DNAH17: variants seen among roughly 807,000 people sequenced by gnomAD.
DNAH17 encodes dynein axonemal heavy chain 17, also known as axonemal beta dynein heavy chain 17.
Under a neutral mutation model 485.6 loss-of-function variants are expected in DNAH17, and 376 were observed. The ratio of observed to expected loss-of-function variants is 0.77; its 90% CI spans 0.71 to 0.84. DNAH17 has a LOEUF of 0.84. Ranked by LOEUF, DNAH17 falls within the 40% of genes least tolerant of loss-of-function variation. The probability of loss-of-function intolerance (pLI) is 0.00; values close to 1 mark genes in which losing one functional copy is unlikely to be tolerated. For synonymous variants in DNAH17, 3,031 were observed against 2,405.9 expected (o/e 1.26, Z -7.60); for missense variants, 6,370 against 5,839.3 (o/e 1.09, Z -2.96).
chr17:78,425,828 C>T (rs1365343597), intron 79 of DNAH17, among the ~76,000 whole-genome samples: 2 of 143,470 alleles, frequency 1.4e-5, no homozygotes, highest in Non-Finnish European at 3.0e-5. Context: ...TGCAGTGGTG[C>T]AATCTTGGCT....
chr17:78,561,753 T>C lies in DNAH17; in HGVS notation c.1797A>G (p.Leu599=), dbSNP rs2143654971. ...LKWSLELQER[L]EVSMKHLKHV... is the part of the protein sequence containing the mutation. ...GCTTCAGGTGTTTCATGGACACCTC[T>C]AGCCTCTCCTGCAGCTCCAGGCTCC... The change falls in exon 12 of 81, where the codon CTA becomes CTG. Residue 599 remains leucine, a synonymous_variant. Coordinates refer to ENST00000389840, the MANE Select transcript of DNAH17 (RefSeq NM_173628.4). 2 of 1,612,672 alleles carry C rather than the reference T, an allele frequency of 1.2e-6. No homozygotes were observed. Among genetic ancestry groups the C allele is most frequent in the African/African-American group, 1.3e-5 (1 of 75,044 alleles).
intron 79 of DNAH17, 163 bp from the exon 80 acceptor site, chr17:78,425,734 C>A (rs183572720): frequency 3.9e-6 from 2 of 511,246 alleles, no homozygotes; most frequent in African/African-American, 2.1e-5. Context: ...AGCCACCTAC[C>A]ATGACGCAAC....
rs757406187 is a variant in DNAH17 at position 78,423,969 on chromosome 17, C to T, written c.13326G>A (p.Leu4442=). 6.2e-7 allele frequency: 1 copy of T among 1,614,008 alleles called. No individual in the cohort carries two copies. Among genetic ancestry groups the T allele is most frequent in the Admixed American group, 1.7e-5 (1 of 60,026 alleles). The change falls in exon 81 of 81, where the codon TTG becomes TTA. Residue 4442 remains leucine, a synonymous_variant. Transcript: ENST00000389840. ...RGPTYVWTFN[L]KTKEKAAKWI... ...ACTTCGCTGCCTTCTCTTTGGTCTT[C>T]AAGTTAAAGGTCCAGACATAGGTGG...
At chr17:78,427,316 G>T (rs1206874899) in intron 77 of DNAH17, among the ~76,000 whole-genome samples, 1 of 152,230 alleles carries the variant, frequency 6.6e-6, no homozygotes, top group Non-Finnish European at 1.5e-5. Flanking sequence ...CGAGCATTCT[G>T]ATCTCACTAC....
At chr17:78,505,978 C>T (rs2090472290) in intron 30 of DNAH17, among the ~76,000 whole-genome samples, 1 of 151,836 alleles carries the variant, frequency 6.6e-6, no homozygotes, top group African/African-American at 2.4e-5. Context: ...AACTCCATCT[C>T]AAAATAAAAA....
At chr17:78,505,172 G>C (rs1598606860) in intron 31 of DNAH17, 121 bp downstream of exon 31, 1 of 1,307,258 alleles carries the variant, frequency 7.6e-7, no homozygotes. Context: ...AGAGGAGCAG[G>C]GGCGGGCTGG....
chr17:78,573,598 A>AAG, intron 2 of DNAH17, among the ~76,000 whole-genome samples: 1 of 59,598 alleles, frequency 1.7e-5, no homozygotes, highest in South Asian at 6.4e-4. Context: ...AAATACTGTC[A>AAG]AAAAAAAAAA....
In DNAH17 at chr17:78,459,140, A is replaced by AG; in HGVS notation, c.9721dup (p.Leu3241ProfsTer29). 6.2e-7 allele frequency: 1 copy of AG among 1,613,980 alleles called. No homozygotes were observed. Among genetic ancestry groups the AG allele is most frequent in the Non-Finnish European group, 8.5e-7 (1 of 1,179,892 alleles). ...GACGATGTTGATGCACCAGGAGCAC[A>AG]GGCCGGCGGCGGCCGTGGACTTGGA... On this transcript the variant is annotated frameshift_variant, in exon 61 of 81. Transcript: ENST00000389840. LOFTEE classifies it high-confidence loss of function.
chr17:78,555,457 C>T (rs1233364644), intron 14 of DNAH17, among the ~76,000 whole-genome samples: 1 of 142,186 alleles, frequency 7.0e-6, no homozygotes, highest in African/African-American at 2.6e-5. Flanking sequence ...AATGAATGGA[C>T]CATGGACAAA....
intron 37 of DNAH17, 46 bp downstream of exon 37, chr17:78,498,962 G>A (rs142727088): frequency 2.3e-5 from 33 of 1,458,084 alleles, no homozygotes; most frequent in Middle Eastern, 1.8e-4. Context: ...AAGCTGACGA[G>A]CCAGTCACCC....
intron 20 of DNAH17, among the ~76,000 whole-genome samples, chr17:78,530,952 T>C (rs1463827013): frequency 6.6e-6 from 1 of 152,188 alleles, no homozygotes; most frequent in Non-Finnish European, 1.5e-5. Flanking sequence ...TCTTTCTCAC[T>C]GTGCATTGGG....
chr17:78,564,311 G>C (rs9915007), intron 11 of DNAH17, among the ~76,000 whole-genome samples: 7,498 of 152,162 alleles, frequency 0.049, 417 homozygotes, highest in African/African-American at 0.14. Context: ...TCCATGTTGG[G>C]GACAGCAAGA....
rs776935437 is a variant in DNAH17 at position 78,501,252 on chromosome 17, G to A, written c.5415C>T (p.Ala1805=). The A allele has an allele frequency of 6.2e-7, 1 of 1,608,900 alleles. No individual in the cohort carries two copies. Among genetic ancestry groups the A allele is most frequent in the South Asian group, 1.1e-5 (1 of 90,774 alleles). The change falls in exon 35 of 81, where the codon GCC becomes GCT. Residue 1805 remains alanine (A), a synonymous_variant. Coordinates refer to ENST00000389840, the MANE Select transcript of DNAH17 (RefSeq NM_173628.4). ...KRHCFANICD[A]QIQYSYEYLG... Reference sequence around the variant, plus strand: ...GATACTCATAGGAATACTGGATTTGGGCATCGCAGATGTTGGCAAAGCAGT... The same window carrying A: ...GATACTCATAGGAATACTGGATTTGAGCATCGCAGATGTTGGCAAAGCAGT...
At chr17:78,547,967 A>G (rs1410726575) in intron 16 of DNAH17, among the ~76,000 whole-genome samples, 1 of 152,020 alleles carries the variant, frequency 6.6e-6, no homozygotes, top group African/African-American at 2.4e-5. Context: ...CGTCTCCCTC[A>G]TCTTACACAT....
At chr17:78,536,238 G>A (rs2091370070) in intron 19 of DNAH17, among the ~76,000 whole-genome samples, 1 of 151,942 alleles carries the variant, frequency 6.6e-6, no homozygotes, top group Non-Finnish European at 1.5e-5. Flanking sequence ...GGGAGATTGA[G>A]ACCATCCTGG....
In DNAH17 at chr17:78,529,630, C is replaced by CCT. The variant is rs770409271; in HGVS notation, c.3347_3348dup (p.Gly1117ArgfsTer10). The CCT allele has an allele frequency of 6.2e-7, 1 of 1,614,012 alleles. No individual in the cohort carries two copies. The highest frequency in any genetic ancestry group is 8.5e-7 in the Non-Finnish European group (1 of 1,179,902). On this transcript the variant is annotated frameshift_variant, in exon 22 of 81. Coordinates refer to ENST00000389840, the MANE Select transcript of DNAH17 (RefSeq NM_173628.4). LOFTEE classifies it high-confidence loss of function. ...ACCTCCACAAGCCCATCATAGTCCCCCTCCTTGAGGGGCTTGGTCAAGCCC... is the reference window on the plus strand; with the variant it reads ...ACCTCCACAAGCCCATCATAGTCCCCCTCTCCTTGAGGGGCTTGGTCAAGCCC...
At chr17:78,466,973 C>T (rs1598502357) in intron 55 of DNAH17, among the ~76,000 whole-genome samples, 157 bp from the exon 56 acceptor site, 3 of 152,206 alleles carry the variant, frequency 2.0e-5, no homozygotes, top group South Asian at 4.1e-4. Flanking sequence ...GTTTGAAGGG[C>T]GGCCGCTGCA....
chr17:78,528,248 C>A (rs1220415579), intron 22 of DNAH17, among the ~76,000 whole-genome samples: 3 of 152,064 alleles, frequency 2.0e-5, no homozygotes, highest in African/African-American at 7.2e-5. Flanking sequence ...CGGCTGAGAA[C>A]CTGCTCAGTC....
At chr17:78,560,635 G>A (rs1461617536) in intron 13 of DNAH17, 105 bp downstream of exon 13, 7 of 1,238,338 alleles carry the variant, frequency 5.7e-6, no homozygotes, top group African/African-American at 1.5e-5. Flanking sequence ...TAGGCGAACT[G>A]TGATATAAAC....
Sources: allele counts gnomAD v4.1 joint callset (sites outside exome capture counted in the v4.1 genomes callset), GRCh38; gene constraint gnomAD v4.1.1; transcripts MANE v1.5; gene names NCBI Gene and HGNC (gene_info 2026-07-23, HGNC 2026-07-21).